The following ELP4 variants were observed in gnomAD, a reference collection of about 807,000 sequenced individuals.
The protein encoded by ELP4 is elongator complex protein 4.
ELP4 carries 51 observed loss-of-function variants against 48.9 expected under a neutral mutation model. That is an observed-to-expected ratio of 1.04 (90% CI 0.83 to 1.32). The LOEUF is 1.32. Ranked by LOEUF, ELP4 falls within the 40% of genes most tolerant of loss-of-function variation. The probability of loss-of-function intolerance (pLI) is 0.00; values close to 1 mark genes in which losing one functional copy is unlikely to be tolerated. For missense variants in ELP4, 519 were observed against 514.6 expected (o/e 1.01, Z -0.08); for synonymous variants, 210 against 189.2 (o/e 1.11, Z -0.90).
rs1017887966 is a variant in ELP4 at position 31,552,397 on chromosome 11, G to A, written c.381+12614G>A. On this transcript the variant is annotated intron_variant, in intron 3 of 9. Transcript: ENST00000640961. ...ATTGCCTTCTGTACATCTAACTCCT[G>A]CAATTGTATATCCAGCTCCCTACAG... Among the ~76,000 whole-genome samples, 11 of 152,124 alleles carry A rather than the reference G, an allele frequency of 7.2e-5. 2 individuals carry two copies. The highest frequency in any genetic ancestry group is 5.9e-4 in the Admixed American group (9 of 15,256).
At position 31,655,703 on chromosome 11, in the gene ELP4, A is replaced by T. The variant is rs539337251; in HGVS notation, c.1143+5482A>T. Reference sequence around the variant, plus strand: ...ATTAAAGTTAGGGTTGAGTCATGCCAATTTCCCTTTGATTTTTTGATGATT... The same window carrying T: ...ATTAAAGTTAGGGTTGAGTCATGCCTATTTCCCTTTGATTTTTTGATGATT... On this transcript the variant is annotated intron_variant, in intron 9 of 9. Coordinates refer to ENST00000640961, the MANE Select transcript of ELP4 (RefSeq NM_019040.5). 1.6e-3 allele frequency among the ~76,000 whole-genome samples: 240 copies of T among 152,136 alleles called. 2 individuals are homozygous for T. Among genetic ancestry groups the T allele is most frequent in the African/African-American group, 5.4e-3 (223 of 41,546 alleles).
At chr11:31,747,509 T>A (rs1209810763) in intron 9 of ELP4, among the ~76,000 whole-genome samples, 7 of 152,214 alleles carry the variant, frequency 4.6e-5, no homozygotes, top group Non-Finnish European at 1.0e-4. Context: ...TGGAATTTTA[T>A]AAAATGTGTA....
At chr11:31,695,306 C>G (rs893436115) in intron 9 of ELP4, among the ~76,000 whole-genome samples, 6 of 152,106 alleles carry the variant, frequency 3.9e-5, no homozygotes, top group Non-Finnish European at 7.4e-5. Context: ...TCATAACTAG[C>G]TCTTATTATT....
At chr11:31,639,637 T>C (rs1322506960) in intron 7 of ELP4, among the ~76,000 whole-genome samples, 1 of 151,894 alleles carries the variant, frequency 6.6e-6, no homozygotes, top group Non-Finnish European at 1.5e-5. Flanking sequence ...AGCATAGTAG[T>C]ATATGTATAA....
intron 2 of ELP4, among the ~76,000 whole-genome samples, chr11:31,538,545 C>T (rs1477583046): frequency 6.6e-6 from 1 of 150,596 alleles, no homozygotes; most frequent in Non-Finnish European, 1.5e-5. Context: ...TCCATTTTTC[C>T]CGATCTCAGA....
At chr11:31,582,010 T>C (rs1395661867) in intron 3 of ELP4, among the ~76,000 whole-genome samples, 1 of 152,160 alleles carries the variant, frequency 6.6e-6, no homozygotes, top group Non-Finnish European at 1.5e-5. Flanking sequence ...CGCCTTAGCC[T>C]CCCAAAGTGC....
At chr11:31,551,361 G>A (rs940426499) in intron 3 of ELP4, among the ~76,000 whole-genome samples, 19 of 151,912 alleles carry the variant, frequency 1.3e-4, no homozygotes, top group Non-Finnish European at 2.5e-4. Context: ...GATTTCTTTG[G>A]GACATTGTCC....
intron 9 of ELP4, among the ~76,000 whole-genome samples, chr11:31,752,355 G>T (rs1316681100): frequency 6.6e-6 from 1 of 152,098 alleles, no homozygotes; most frequent in African/African-American, 2.4e-5. Flanking sequence ...CAGGGACAAA[G>T]AAAATATATT....
intron 1 of ELP4, chr11:31,511,305 A>G (rs938079144): frequency 6.6e-6 from 1 of 152,152 alleles, no homozygotes; most frequent in Admixed American, 6.5e-5. Flanking sequence ...TAAGTTTGGT[A>G]GCTATTTCTA....
In ELP4 at chr11:31,544,985, C is replaced by A. The variant is rs1189147135; in HGVS notation, c.381+5202C>A. Among the ~76,000 whole-genome samples, 46 of 152,128 alleles carry A rather than the reference C, an allele frequency of 3.0e-4. 2 individuals are homozygous for A. Among genetic ancestry groups the A allele is most frequent in the Non-Finnish European group, 5.4e-4 (37 of 68,024 alleles). On this transcript the variant is annotated intron_variant, in intron 3 of 9. Transcript: ENST00000640961. ...AACTAACAAACAGAAAGGACATCCA[C>A]ACCAAAAACCCATCTTTACATCACA...
At position 31,545,535 on chromosome 11, in the gene ELP4, A is replaced by G. The variant is rs535860678; in HGVS notation, c.381+5752A>G. Among the ~76,000 whole-genome samples the G allele has an allele frequency of 3.9e-5, 6 of 152,306 alleles. No individual in the cohort carries two copies. The East Asian group carries it at 1.2e-3, about 29-fold the overall frequency. On this transcript the variant is annotated intron_variant, in intron 3 of 9. Transcript: ENST00000640961. ...GGTGTACCTGAAAGTGATGGGGAGAATGGAACCAAGTTGGAAAACACTCTG... is the reference window on the plus strand; with the variant it reads ...GGTGTACCTGAAAGTGATGGGGAGAGTGGAACCAAGTTGGAAAACACTCTG...
intron 9 of ELP4, among the ~76,000 whole-genome samples, chr11:31,727,259 C>G (rs566188600): frequency 5.3e-5 from 8 of 151,492 alleles, no homozygotes; most frequent in Non-Finnish European, 1.2e-4. Context: ...ATAATAACTG[C>G]TAACTAAAAA....
At chr11:31,629,145 G>A (rs1444493637) in intron 6 of ELP4, among the ~76,000 whole-genome samples, 2 of 151,516 alleles carry the variant, frequency 1.3e-5, no homozygotes, top group African/African-American at 2.4e-5. Context: ...TACAAATTGC[G>A]GTCATAATTT....
chr11:31,627,167 G>A lies in ELP4; in HGVS notation c.711G>A (p.Glu237=). 1.3e-6 allele frequency: 2 copies of A among 1,572,654 alleles called. No individual in the cohort carries two copies. The highest frequency in any genetic ancestry group is 1.7e-6 in the Non-Finnish European group (2 of 1,156,800). ...LLQFIQNIIY[E]EGFDGSNPQK... ...AGTTTATCCAGAACATCATTTATGA[G>A]GAAGGATTTGATGGATCCAATCCTC... Residue 237 remains glutamate (E), a synonymous_variant, in exon 6 of 10, where the codon GAG becomes GAA. Transcript: ENST00000640961.
intron 9 of ELP4, among the ~76,000 whole-genome samples, chr11:31,772,120 C>CTTT (rs11406554): frequency 6.1e-5 from 8 of 132,130 alleles, no homozygotes; most frequent in African/African-American, 8.5e-5. Flanking sequence ...TTATTTTCTT[C>CTTT]TTTTTTTTTT....
chr11:31,695,334 A>G (rs1457733280), intron 9 of ELP4, among the ~76,000 whole-genome samples: 2 of 152,162 alleles, frequency 1.3e-5, no homozygotes, highest in Non-Finnish European at 2.9e-5. Context: ...ATGTCCCATC[A>G]ATACCTAATT....
chr11:31,760,658 T>C (rs1321978242), intron 9 of ELP4, among the ~76,000 whole-genome samples: 2 of 152,240 alleles, frequency 1.3e-5, no homozygotes, highest in East Asian at 1.9e-4. Flanking sequence ...AATTTAGATA[T>C]AACTTTTTAG....
intron 3 of ELP4, among the ~76,000 whole-genome samples, chr11:31,569,040 G>A (rs546335817): frequency 6.6e-6 from 1 of 151,144 alleles, no homozygotes; most frequent in Non-Finnish European, 1.5e-5. Context: ...AGCCGAGATC[G>A]TGCCACTGCA....
intron 3 of ELP4, among the ~76,000 whole-genome samples, chr11:31,580,452 G>C (rs1318460125): frequency 6.6e-6 from 1 of 152,058 alleles, no homozygotes; most frequent in East Asian, 1.9e-4. Context: ...GTTTATTCTT[G>C]TGGCATTTAT....
Sources: allele counts gnomAD v4.1 joint callset (sites outside exome capture counted in the v4.1 genomes callset), GRCh38; gene constraint gnomAD v4.1.1; transcripts MANE v1.5; gene names NCBI Gene and HGNC (gene_info 2026-07-23, HGNC 2026-07-21).